Variants in DNAJC1 observed in about 807,000 individuals in gnomAD.
The protein encoded by DNAJC1 is dnaJ homolog subfamily C member 1.
Under a neutral mutation model 76.6 loss-of-function variants are expected in DNAJC1, and 58 were observed. The observed-to-expected ratio is 0.76, with a 90% CI of 0.61 to 0.94. DNAJC1 has a LOEUF of 0.94. Ranked by LOEUF, DNAJC1 falls within the 40% of genes least tolerant of loss-of-function variation. The pLI, the probability that DNAJC1 is intolerant of heterozygous loss-of-function variation, is 0.00. For missense variants in DNAJC1, 689 were observed against 677.3 expected, an observed-to-expected ratio of 1.02 and a Z score of -0.19; for synonymous variants, 258 against 267.9, an observed-to-expected ratio of 0.96 and a Z score of 0.36.
intron 8 of DNAJC1, among the ~76,000 whole-genome samples, chr10:21,846,593 T>C (rs1055482135): frequency 2.0e-5 from 3 of 152,160 alleles, no homozygotes; most frequent in African/African-American, 4.8e-5. Context: ...CTTTTTAAAA[T>C]TGAAATATAA....
At chr10:21,990,813 T>A (rs1270967303) in intron 1 of DNAJC1, among the ~76,000 whole-genome samples, 1 of 152,200 alleles carries the variant, frequency 6.6e-6, no homozygotes, top group Non-Finnish European at 1.5e-5. Flanking sequence ...ATGTACCAAG[T>A]CCATTTGAAA....
rs192514239 is a variant in DNAJC1 at position 21,863,860 on chromosome 10, C to T, written c.978+18422G>A. ...ATTAAGGGCATCTGTTAAAAGCCTG[C>T]ACCTAACATAATTGGTGGTAAAAGA... On this transcript the variant is annotated intron_variant, in intron 8 of 11. Coordinates refer to ENST00000376980, the MANE Select transcript of DNAJC1 (RefSeq NM_022365.4). Among the ~76,000 whole-genome samples the T allele has an allele frequency of 3.3e-5, 5 of 152,234 alleles. No homozygotes were observed. In the East Asian group the frequency reaches 9.6e-4, roughly 29 times the overall value.
chr10:21,962,560 T>C (rs1010830571), intron 1 of DNAJC1, among the ~76,000 whole-genome samples: 3 of 145,978 alleles, frequency 2.1e-5, no homozygotes, highest in Non-Finnish European at 4.5e-5. Flanking sequence ...CCTGACCTCC[T>C]GGGCTCAAAT....
intron 1 of DNAJC1, among the ~76,000 whole-genome samples, chr10:21,986,260 C>T (rs1294516779): frequency 6.6e-6 from 1 of 152,162 alleles, no homozygotes; most frequent in Non-Finnish European, 1.5e-5. Context: ...TTGCATTTTA[C>T]CTTGCCACCA....
At chr10:21,855,298 ATAAT>A (rs377642841) in intron 8 of DNAJC1, among the ~76,000 whole-genome samples, 135 of 152,306 alleles carry the variant, frequency 8.9e-4, no homozygotes, top group African/African-American at 2.9e-3. Flanking sequence ...GTGCCATATA[ATAAT>A]TCATTCATTA....
chr10:21,813,098 T>C lies in DNAJC1; in HGVS notation c.979-6999A>G, dbSNP rs865882411. The stretch of plus-strand genomic sequence containing the variant: ...ATATATACATATATACACACACACA[T>C]ATATATATATATATATATACAGCTT... On this transcript the variant is annotated intron_variant, in intron 8 of 11. Transcript: ENST00000376980. Among the ~76,000 whole-genome samples, 179 of 128,390 alleles carry C rather than the reference T, an allele frequency of 1.4e-3. 1 individual carries two copies. Among genetic ancestry groups the C allele is most frequent in the Middle Eastern group, 7.6e-3 (2 of 262 alleles). 84.2% of individuals were successfully genotyped at this position (128,390 alleles called of 152,430 possible). A position where few individuals can be genotyped will look rare whatever the true frequency, so the allele number is the denominator to read the frequency against.
chr10:21,958,906 A>G (rs1003918891), intron 1 of DNAJC1, among the ~76,000 whole-genome samples: 9 of 152,166 alleles, frequency 5.9e-5, no homozygotes, highest in Non-Finnish European at 1.0e-4. Flanking sequence ...CATTTTGAAT[A>G]TAACAGAGCT....
At chr10:21,796,379 T>C (rs995340863) in intron 9 of DNAJC1, among the ~76,000 whole-genome samples, 1 of 152,236 alleles carries the variant, frequency 6.6e-6, no homozygotes, top group Non-Finnish European at 1.5e-5. Context: ...TCTTGGCTAC[T>C]GTGCATAATG....
rs561029158 is a variant in DNAJC1 at position 21,892,928 on chromosome 10, C to CA, written c.821-10490dup. Among the ~76,000 whole-genome samples, 18 of 152,052 alleles carry CA rather than the reference C, an allele frequency of 1.2e-4. No homozygotes were observed. The East Asian group carries it at 3.3e-3, about 28-fold the overall frequency. On this transcript the variant is annotated intron_variant, in intron 7 of 11. Transcript: ENST00000376980. ...CTGGAGACAAATTTATAATTACAGTCAAAAAGTCCAATACCCCCTCTCAAT... is the reference window on the plus strand; with the variant it reads ...CTGGAGACAAATTTATAATTACAGTCAAAAAAGTCCAATACCCCCTCTCAAT...
intron 9 of DNAJC1, among the ~76,000 whole-genome samples, chr10:21,790,298 T>G (rs1834668440): frequency 6.6e-6 from 1 of 151,824 alleles, no homozygotes. Flanking sequence ...ACTTCCCAAA[T>G]CTGGGGCATC....
At chr10:21,971,041 T>A (rs190861134) in intron 1 of DNAJC1, among the ~76,000 whole-genome samples, 1 of 151,904 alleles carries the variant, frequency 6.6e-6, no homozygotes, top group African/African-American at 2.4e-5. Flanking sequence ...CTTACATAAG[T>A]ATCTTTTAAC....
In DNAJC1 at chr10:21,919,943, G is replaced by T. The variant is rs372560555; in HGVS notation, c.538-14C>A. The T allele has an allele frequency of 6.0e-6, 9 of 1,511,904 alleles. No homozygotes were observed. The East Asian group carries it at 9.0e-5, about 15-fold the overall frequency. The allele number at this position is 1,511,904 out of a possible 1,614,324, so 93.7% of individuals were successfully genotyped here. A position where few individuals can be genotyped will look rare whatever the true frequency, so the allele number is the denominator to read the frequency against. On this transcript the variant is annotated splice_polypyrimidine_tract_variant and intron_variant, in intron 4 of 11. Transcript: ENST00000376980. ...TAGTAGTTCATCCTTAATGTGGAAA[G>T]AATTATGGTTACAGGTTATCATTAA...
intron 9 of DNAJC1, among the ~76,000 whole-genome samples, chr10:21,772,895 A>C (rs1589974509): frequency 6.6e-6 from 1 of 152,188 alleles, no homozygotes; most frequent in Non-Finnish European, 1.5e-5. Context: ...CAGGAAACTT[A>C]CAATCACGGC....
chr10:21,844,223 C>T (rs1332715229), intron 8 of DNAJC1, among the ~76,000 whole-genome samples: 1 of 152,130 alleles, frequency 6.6e-6, no homozygotes, highest in African/African-American at 2.4e-5. Context: ...TACTCAGTCT[C>T]CCGAGTAGCT....
intron 8 of DNAJC1, among the ~76,000 whole-genome samples, chr10:21,820,387 C>T (rs1835139388): frequency 6.6e-6 from 1 of 152,112 alleles, no homozygotes; most frequent in Admixed American, 6.5e-5. Flanking sequence ...TATAAACAAA[C>T]CTGCAGGTTT....
At chr10:21,856,708 T>TA (rs1222899256) in intron 8 of DNAJC1, among the ~76,000 whole-genome samples, 2 of 151,998 alleles carry the variant, frequency 1.3e-5, no homozygotes, top group East Asian at 3.9e-4. Flanking sequence ...AACTACCCTT[T>TA]AAAAAAATCA....
intron 9 of DNAJC1, among the ~76,000 whole-genome samples, chr10:21,769,017 G>A (rs1456319698): frequency 6.6e-6 from 1 of 152,062 alleles, no homozygotes; most frequent in Non-Finnish European, 1.5e-5. Context: ...GCATTCATGA[G>A]AATATGTCCT....
intron 1 of DNAJC1, among the ~76,000 whole-genome samples, chr10:22,002,402 T>TA (rs879885714): frequency 3.3e-5 from 5 of 150,688 alleles, no homozygotes; most frequent in Non-Finnish European, 7.4e-5. Context: ...ATGGTAGAAC[T>TA]AAAAAGCAAC....
At chr10:21,868,079 A>AAAAAAAAAAAC (rs1564812346) in intron 8 of DNAJC1, among the ~76,000 whole-genome samples, 28 of 124,630 alleles carry the variant, frequency 2.2e-4, no homozygotes, top group Non-Finnish European at 2.8e-4. Flanking sequence ...CTGTCTCCAA[A>AAAAAAAAAAAC]AAAAAAAAAA....
Sources: gnomAD v4.1 joint callset for allele counts (sites outside exome capture counted in the v4.1 genomes callset) on GRCh38, gnomAD v4.1.1 for gene constraint, MANE v1.5 for transcripts, NCBI Gene and HGNC (gene_info 2026-07-23, HGNC 2026-07-21) for gene names.